HAVCR2: variants seen among roughly 807,000 people sequenced by gnomAD.
HAVCR2 encodes the protein T cell immunoglobulin mucin 3.
Under a neutral mutation model 24.7 loss-of-function variants are expected in HAVCR2, and 13 were observed. The observed-to-expected ratio is 0.53, with a 90% CI of 0.34 to 0.84. HAVCR2 has a LOEUF of 0.84. Among genes scored for constraint, HAVCR2 ranks in the 40% least tolerant of loss-of-function variants. HAVCR2 has a pLI of 0.01. For synonymous variants in HAVCR2, 154 were observed against 143.4 expected (o/e 1.07, Z -0.53); for missense variants, 343 against 371.2 (o/e 0.92, Z 0.62).
In HAVCR2 at chr5:157,105,344, A is replaced by T. The variant is rs35660205; in HGVS notation, c.395-595T>A. ...CTCCCAAAGTGCTGGGATTATAGGC[A>T]TGAGCCACCACGCCCAGCCATGTTT... On this transcript the variant is annotated intron_variant, in intron 2 of 6. Transcript: ENST00000307851. Among the ~76,000 whole-genome samples the T allele has an allele frequency of 4.6e-3, 701 of 152,286 alleles. 1 individual carries two copies. Among genetic ancestry groups the T allele is most frequent in the Non-Finnish European group, 7.3e-3 (497 of 68,026 alleles).
At position 157,086,945 on chromosome 5, in the gene HAVCR2, C is replaced by T; in HGVS notation, c.*157G>A. On this transcript the variant is annotated 3_prime_UTR_variant, in exon 7 of 7. Coordinates refer to ENST00000307851, the MANE Select transcript of HAVCR2 (RefSeq NM_032782.5). ...ATGACATGCCTGTTTAAGTTCAGTG[C>T]AGGTCCCAGTTCAATTCCCATGTGA... is the stretch of plus-strand genomic sequence containing the variant. The T allele has an allele frequency of 3.2e-6, 2 of 630,748 alleles. No individual in the cohort carries two copies. Among genetic ancestry groups the T allele is most frequent in the East Asian group, 2.8e-5 (1 of 35,100 alleles). 39.1% of individuals were successfully genotyped at this position (630,748 alleles called of 1,614,324 possible). A position where few individuals can be genotyped will look rare whatever the true frequency, so the allele number is the denominator to read the frequency against.
intron 5 of HAVCR2, among the ~76,000 whole-genome samples, chr5:157,094,726 G>A (rs1757067339): frequency 6.6e-6 from 1 of 151,450 alleles, no homozygotes; most frequent in Non-Finnish European, 1.5e-5. Context: ...AAAAAAAAAA[G>A]GGATAAGTAA....
intron 5 of HAVCR2, among the ~76,000 whole-genome samples, chr5:157,090,482 C>T (rs1182440591): frequency 6.6e-6 from 1 of 152,076 alleles, no homozygotes; most frequent in East Asian, 1.9e-4. Context: ...GTGGTCCTAG[C>T]TACTTGGAGG....
Position 157,087,268 on chromosome 5 carries a change from G to A in HAVCR2, c.740C>T (p.Pro247Leu). 1.2e-6 allele frequency: 2 copies of A among 1,610,780 alleles called. No homozygotes were observed. Among genetic ancestry groups the A allele is most frequent in the South Asian group, 1.1e-5 (1 of 90,066 alleles). ...LSLISLANLPPSGLANAVAEG... is the reference protein window; with the variant it reads ...LSLISLANLPLSGLANAVAEG... ...TGCTACTGCATTTGCCAATCCTGAG[G>A]GAGGGAGGTTGGCCAAAGAGATGAG... The change falls in exon 7 of 7, where the codon CCC becomes CTC. Residue 247 changes from proline to leucine, a missense_variant. Physicochemically the swap from Pro to Leu is moderately conservative, Grantham distance 98 (BLOSUM62 -3). Coordinates refer to ENST00000307851, the MANE Select transcript of HAVCR2 (RefSeq NM_032782.5).
intron 4 of HAVCR2, 148 bp downstream of exon 4, chr5:157,098,710 C>T: frequency 2.8e-6 from 2 of 705,494 alleles, no homozygotes; most frequent in Non-Finnish European, 4.9e-6. Context: ...TTAGAACTGT[C>T]ATCATCAACA....
intron 3 of HAVCR2, among the ~76,000 whole-genome samples, chr5:157,101,808 C>G (rs535740085): frequency 1.4e-3 from 202 of 148,256 alleles, no homozygotes; most frequent in African/African-American, 4.9e-3. Context: ...GGGTCTCGCT[C>G]TGTTGCCCAG....
At chr5:157,106,036 A>G (rs975706645) in intron 2 of HAVCR2, 2 of 152,370 alleles carry the variant, frequency 1.3e-5, no homozygotes, top group East Asian at 1.9e-4. Context: ...AAAACTCTCT[A>G]TGTGATTCTA....
intron 3 of HAVCR2, among the ~76,000 whole-genome samples, chr5:157,100,906 G>A (rs1757157173): frequency 2.6e-5 from 4 of 152,060 alleles, no homozygotes; most frequent in Admixed American, 1.3e-4. Flanking sequence ...GACCATCCTG[G>A]CCAATATGGT....
At position 157,098,837 on chromosome 5, in the gene HAVCR2, C is replaced by T. The variant is rs1230361664; in HGVS notation, c.522+21G>A. 3 of 1,609,114 alleles carry T rather than the reference C, an allele frequency of 1.9e-6. No homozygotes were observed. In the Admixed American group the frequency reaches 5.0e-5, roughly 27 times the overall value. Reference sequence around the variant, plus strand: ...CCCCTCCAAGTTGAGTACAACATAGCTCACAAAAAAAGTTACTTACTGTTA... The same window carrying T: ...CCCCTCCAAGTTGAGTACAACATAGTTCACAAAAAAAGTTACTTACTGTTA... On this transcript the variant is annotated intron_variant, in intron 4 of 6. Coordinates refer to ENST00000307851, the MANE Select transcript of HAVCR2 (RefSeq NM_032782.5).
chr5:157,107,323 C>T (rs1169236855), intron 1 of HAVCR2: 4 of 194,336 alleles, frequency 2.1e-5, no homozygotes, highest in Admixed American at 5.7e-5. Flanking sequence ...TCTGTGAACA[C>T]GGGAGAACAG....
At chr5:157,087,555 G>A (rs1756931160) in intron 6 of HAVCR2, among the ~76,000 whole-genome samples, 1 of 152,132 alleles carries the variant, frequency 6.6e-6, no homozygotes, top group Admixed American at 6.6e-5. Context: ...TCTCGGAGGT[G>A]CAGGCTGAAG....
intron 3 of HAVCR2, among the ~76,000 whole-genome samples, chr5:157,101,167 T>C (rs974015378): frequency 2.0e-5 from 3 of 152,202 alleles, no homozygotes; most frequent in African/African-American, 7.2e-5. Flanking sequence ...CATAAGATTT[T>C]AAATGTAAAT....
rs750062714 is a variant in HAVCR2, at chr5:157,087,027, A to C, written c.*75T>G. The stretch of plus-strand genomic sequence containing the variant: ...CTCCATAGCAGTGGACAGAACCTCC[A>C]AAACCAGTCAGGTGACACAGCTCAT... On this transcript the variant is annotated 3_prime_UTR_variant, in exon 7 of 7. Coordinates refer to ENST00000307851, the MANE Select transcript of HAVCR2 (RefSeq NM_032782.5). 1.3e-4 allele frequency: 174 copies of C among 1,387,860 alleles called. No homozygotes were observed. The highest frequency in any genetic ancestry group is 1.7e-4 in the Non-Finnish European group (169 of 993,716). 86.0% of individuals were successfully genotyped at this position (1,387,860 alleles called of 1,614,324 possible). A position where few individuals can be genotyped will look rare whatever the true frequency, so the allele number is the denominator to read the frequency against.
intron 3 of HAVCR2, among the ~76,000 whole-genome samples, chr5:157,103,066 T>C (rs1757192377): frequency 1.3e-5 from 2 of 151,246 alleles, no homozygotes; most frequent in African/African-American, 4.9e-5. Context: ...TCAGTGGTGA[T>C]GTAGTAAAAA....
rs758691349 is a variant in HAVCR2, at chr5:157,106,802, C to T, written c.219G>A (p.Arg73=). 59 of 1,614,050 alleles carry T rather than the reference C, an allele frequency of 3.7e-5. No individual in the cohort carries two copies. Among genetic ancestry groups the T allele is most frequent in the Non-Finnish European group, 4.7e-5 (55 of 1,180,038 alleles). ...CGNVVLRTDE[R]DVNYWTSRYW... ...ATCTGGATGTCCAATAATTCACATC[C>T]CTTTCATCAGTCCTGAGCACCACGT... The change falls in exon 2 of 7, where the codon AGG becomes AGA. Residue 73 remains arginine (R), a synonymous_variant. Transcript: ENST00000307851.
rs560045889 is a variant in HAVCR2, at chr5:157,091,729, G to T, written c.677-2752C>A. Among the ~76,000 whole-genome samples the T allele has an allele frequency of 2.6e-5, 4 of 152,280 alleles. No individual in the cohort carries two copies. The East Asian group carries it at 7.7e-4, about 29-fold the overall frequency. Reference sequence around the variant, plus strand: ...AAGGAGAGAGATGACTCAGAAGAAAGGGATAAAAAGAAGGATGAAGTCTTG... The same window carrying T: ...AAGGAGAGAGATGACTCAGAAGAAATGGATAAAAAGAAGGATGAAGTCTTG... On this transcript the variant is annotated intron_variant, in intron 5 of 6. Transcript: ENST00000307851.
At chr5:157,099,448 G>GGTTTC in intron 3 of HAVCR2, among the ~76,000 whole-genome samples, 1 of 151,962 alleles carries the variant, frequency 6.6e-6, no homozygotes, top group African/African-American at 2.4e-5. Flanking sequence ...GTAGAGACGA[G>GGTTTC]GCCATGTTGA....
At chr5:157,102,791 G>T (rs994615189) in intron 3 of HAVCR2, among the ~76,000 whole-genome samples, 13 of 151,874 alleles carry the variant, frequency 8.6e-5, no homozygotes, top group African/African-American at 2.2e-4. Context: ...AAAAATTAGC[G>T]GGGCGTGGTG....
chr5:157,087,764 C>A (rs767035660), intron 6 of HAVCR2, among the ~76,000 whole-genome samples: 1 of 151,774 alleles, frequency 6.6e-6, no homozygotes, highest in Admixed American at 6.6e-5. Flanking sequence ...AATTAGCCAG[C>A]GTGGTGGCAT....
Sources: allele counts gnomAD v4.1 joint callset (sites outside exome capture counted in the v4.1 genomes callset), GRCh38; gene constraint gnomAD v4.1.1; transcripts MANE v1.5; gene names NCBI Gene and HGNC (gene_info 2026-07-23, HGNC 2026-07-21).